ESRRB: variants seen among roughly 807,000 people sequenced by gnomAD.
ESRRB encodes steroid hormone receptor ERR2.
A neutral mutation model predicts 46.0 loss-of-function variants in ESRRB; 16 were observed. The ratio of observed to expected loss-of-function variants is 0.35; its 90% CI spans 0.24 to 0.53. The LOEUF (loss-of-function observed/expected upper bound fraction) is 0.53. Among genes scored for constraint, ESRRB ranks in the 20% least tolerant of loss-of-function variants. The pLI is 0.93. For missense variants in ESRRB, 488 were observed against 607.4 expected, an observed-to-expected ratio of 0.80 and a Z score of 2.07; for synonymous variants, 246 against 259.6, an observed-to-expected ratio of 0.95 and a Z score of 0.50.
chr14:76,426,221 TG>T (rs1887195774), intron 1 of ESRRB, among the ~76,000 whole-genome samples: 3 of 151,696 alleles, frequency 2.0e-5, no homozygotes, highest in Admixed American at 1.3e-4. Flanking sequence ...GGCCTGAAGA[TG>T]GGGGAAGAGA....
At chr14:76,322,469 C>T (rs1047591205) in intron 1 of ESRRB, among the ~76,000 whole-genome samples, 2 of 152,204 alleles carry the variant, frequency 1.3e-5, no homozygotes, top group African/African-American at 4.8e-5. Context: ...ACCTTCCTGG[C>T]CCCATCTCCT....
At chr14:76,317,650 G>A (rs115608300) in intron 1 of ESRRB, among the ~76,000 whole-genome samples, 1,901 of 152,286 alleles carry the variant, frequency 0.012, 46 homozygotes, top group African/African-American at 0.043. Flanking sequence ...GCTTCCGCCC[G>A]CGGGCTCCGG....
chr14:76,368,036 C>T (rs996582533), upstream of ESRRB, among the ~76,000 whole-genome samples: 2 of 147,770 alleles, frequency 1.4e-5, no homozygotes, highest in Admixed American at 1.4e-4. Context: ...CACTGAAGTC[C>T]CCTCCTCCTG....
intron 5 of ESRRB, among the ~76,000 whole-genome samples, chr14:76,483,844 C>T (rs1196260941): frequency 6.6e-6 from 1 of 152,068 alleles, no homozygotes; most frequent in Non-Finnish European, 1.5e-5. Flanking sequence ...GATACCAAGA[C>T]CCACAGTTGT....
chr14:76,357,752 G>C (rs1884400220), intron 1 of ESRRB, among the ~76,000 whole-genome samples: 1 of 152,174 alleles, frequency 6.6e-6, no homozygotes, highest in Admixed American at 6.5e-5. Context: ...CTGGTCTCAG[G>C]TGATCCTCTC....
chr14:76,370,330 G>A (rs766406081), upstream of ESRRB, among the ~76,000 whole-genome samples: 3 of 151,932 alleles, frequency 2.0e-5, no homozygotes, highest in Admixed American at 6.6e-5. Flanking sequence ...CTCGGGAGAC[G>A]GAGGTTGCAG....
chr14:76,344,424 C>T (rs1884225052), intron 1 of ESRRB, among the ~76,000 whole-genome samples: 1 of 152,024 alleles, frequency 6.6e-6, no homozygotes, highest in Non-Finnish European at 1.5e-5. Context: ...TTGCCCCCCT[C>T]CCACTCTTCC....
At chr14:76,429,777 A>AATAAAG (rs1887359601) in intron 1 of ESRRB, among the ~76,000 whole-genome samples, 1 of 152,134 alleles carries the variant, frequency 6.6e-6, no homozygotes. Context: ...TAAAAATAAA[A>AATAAAG]TAAAATAGGC....
chr14:76,399,245 C>T (rs898879602), intron 1 of ESRRB, among the ~76,000 whole-genome samples: 2 of 152,138 alleles, frequency 1.3e-5, no homozygotes, highest in African/African-American at 4.8e-5. Context: ...ATGCTTTTGA[C>T]AATCCATCAG....
chr14:76,325,593 C>T (rs1173489902), intron 1 of ESRRB, among the ~76,000 whole-genome samples: 3 of 152,144 alleles, frequency 2.0e-5, no homozygotes, highest in Non-Finnish European at 2.9e-5. Context: ...CAGTTTGTAG[C>T]TCAGGGAACA....
At chr14:76,381,439 G>A (rs1479027458) in intron 1 of ESRRB, among the ~76,000 whole-genome samples, 1 of 152,138 alleles carries the variant, frequency 6.6e-6, no homozygotes, top group Non-Finnish European at 1.5e-5. Flanking sequence ...GGCAATGACT[G>A]GGAGAGATCC....
At chr14:76,380,301 G>A (rs1237465353) in intron 1 of ESRRB, among the ~76,000 whole-genome samples, 2 of 152,142 alleles carry the variant, frequency 1.3e-5, no homozygotes, top group Non-Finnish European at 2.9e-5. Context: ...ACATTGGGGA[G>A]GGCGGTGGAG....
intron 1 of ESRRB, among the ~76,000 whole-genome samples, chr14:76,332,676 A>T (rs1477428060): frequency 2.2e-5 from 1 of 44,448 alleles, no homozygotes; most frequent in Admixed American, 4.8e-4. Context: ...ATATATTTAT[A>T]TATTATATAT....
chr14:76,355,942 G>T (rs751097252), intron 1 of ESRRB, among the ~76,000 whole-genome samples: 1 of 152,128 alleles, frequency 6.6e-6, no homozygotes, highest in African/African-American at 2.4e-5. Flanking sequence ...ACCCTCTTCC[G>T]CAATCTCTTC....
chr14:76,317,589 T>C (rs543738571), intron 1 of ESRRB, among the ~76,000 whole-genome samples: 1 of 152,124 alleles, frequency 6.6e-6, no homozygotes, highest in African/African-American at 2.4e-5. Context: ...TATTTTGAAA[T>C]AAAAAGTTAA....
At position 76,500,145 on chromosome 14, in the gene ESRRB, TCTGG is replaced by T; in HGVS notation, c.*1688_*1691del. 7.8e-7 allele frequency: 1 copy of T among 1,284,838 alleles called. No individual in the cohort carries two copies. Among genetic ancestry groups the T allele is most frequent in the African/African-American group, 1.5e-5 (1 of 67,594 alleles). 79.6% of individuals were successfully genotyped at this position (1,284,838 alleles called of 1,614,324 possible). On this transcript the variant is annotated 3_prime_UTR_variant, in exon 7 of 7. Transcript: ENST00000644823. ...CCCCAGGAACCTCCCGGCCTGGGCT[TCTGG>T]GCTGGGACGTGCTGAGGTCATCCCA...
intron 1 of ESRRB, among the ~76,000 whole-genome samples, chr14:76,314,713 C>A (rs985183526): frequency 6.6e-6 from 1 of 152,100 alleles, no homozygotes; most frequent in African/African-American, 2.4e-5. Context: ...TGGTCTCCAG[C>A]CAGAGAAGCA....
At chr14:76,331,468 G>T (rs1276535799) in intron 1 of ESRRB, among the ~76,000 whole-genome samples, 5 of 152,156 alleles carry the variant, frequency 3.3e-5, no homozygotes, top group African/African-American at 7.2e-5. Flanking sequence ...TGATGTGTTC[G>T]CTCCTGCTCT....
chr14:76,445,108 G>A (rs1255555657), intron 2 of ESRRB, among the ~76,000 whole-genome samples: 1 of 151,548 alleles, frequency 6.6e-6, no homozygotes, highest in East Asian at 2.0e-4. Context: ...GGAGTTTGGA[G>A]GCTGCAGTGA....
Sources: gnomAD v4.1 joint callset for allele counts (sites outside exome capture counted in the v4.1 genomes callset) on GRCh38, gnomAD v4.1.1 for gene constraint, MANE v1.5 for transcripts, NCBI Gene and HGNC (gene_info 2026-07-23, HGNC 2026-07-21) for gene names.